Variants in CRB2 observed in about 807,000 individuals in gnomAD.
The protein encoded by CRB2 is protein crumbs homolog 2.
In CRB2, 85 loss-of-function variants were observed where a neutral mutation model predicts 110.9. The observed-to-expected ratio is 0.77, with a 90% CI of 0.64 to 0.92. CRB2 has a LOEUF of 0.92. Ranked by LOEUF, CRB2 falls within the 40% of genes least tolerant of loss-of-function variation. The pLI, the probability that CRB2 is intolerant of heterozygous loss-of-function variation, is 0.00. For synonymous variants in CRB2, 907 were observed against 831.0 expected (o/e 1.09, Z -1.57); for missense variants, 1,843 against 1,851.3 (o/e 1.00, Z 0.08).
At chr9:123,371,669 C>G (rs1409831941) in intron 8 of CRB2, 91 bp downstream of exon 8, 8 of 1,551,734 alleles carry the variant, frequency 5.2e-6, no homozygotes, top group Non-Finnish European at 7.0e-6. Context: ...TGTCCTTTTG[C>G]TGATGAGGAA....
rs910269960 is a variant in CRB2, at chr9:123,368,453, C to G, written c.1054+767C>G. ...TCCAAGAGCCATGGCCTCCTGGGTACCTGGCACACAGTGGGCCCACACAGC... is the reference window on the plus strand; with the variant it reads ...TCCAAGAGCCATGGCCTCCTGGGTAGCTGGCACACAGTGGGCCCACACAGC... On this transcript the variant is annotated intron_variant, in intron 6 of 12. Coordinates refer to ENST00000373631, the MANE Select transcript of CRB2 (RefSeq NM_173689.7). 5.4e-4 allele frequency among the ~76,000 whole-genome samples: 82 copies of G among 152,358 alleles called. 1 individual carries two copies. The highest frequency in any genetic ancestry group is 6.2e-4 in the Non-Finnish European group (42 of 68,026).
At chr9:123,367,462 C>G in intron 5 of CRB2, 105 bp downstream of exon 5, 1 of 965,832 alleles carries the variant, frequency 1.0e-6, no homozygotes, top group South Asian at 1.6e-5. Flanking sequence ...CACCCCACAC[C>G]CGAGTCTGCC....
At chr9:123,375,158 T>C (rs1197911786) in intron 11 of CRB2, 59 bp from the exon 12 acceptor site, 2 of 1,607,518 alleles carry the variant, frequency 1.2e-6, no homozygotes, top group Non-Finnish European at 1.7e-6. Flanking sequence ...GCAGAGCAGC[T>C]GGGAGCACAA....
Position 123,370,517 on chromosome 9 carries a change from G to C in CRB2, c.1464G>C (p.Leu488Phe). 2.5e-6 allele frequency: 4 copies of C among 1,613,446 alleles called. No individual in the cohort carries two copies. Among genetic ancestry groups the C allele is most frequent in the Non-Finnish European group, 3.4e-6 (4 of 1,180,028 alleles). Residue 488 changes from leucine (L) to phenylalanine (F), a missense_variant, in exon 7 of 13, where the codon TTG becomes TTC. Physicochemically the swap from Leu to Phe is conservative, Grantham distance 22. Transcript: ENST00000373631. ...NDTKESLELA[L>F]VAATLQATLW... Reference sequence around the variant, plus strand: ...CCAAGGAAAGCTTGGAGCTGGCATTGGTGGCAGCCACACTTCAGGCCACAC... The same window carrying C: ...CCAAGGAAAGCTTGGAGCTGGCATTCGTGGCAGCCACACTTCAGGCCACAC...
rs2041930878 is a variant in CRB2 at position 123,366,295 on chromosome 9, C to T, written c.683C>T (p.Ala228Val). The change falls in exon 4 of 13, where the codon GCA becomes GTA. Residue 228 changes from alanine (A) to valine (V), a missense_variant. Ala to Val is a moderately conservative substitution (Grantham distance 64, BLOSUM62 0). Coordinates refer to ENST00000373631, the MANE Select transcript of CRB2 (RefSeq NM_173689.7). ...THCEREVLECASAPCEHNASC... is the reference protein window; with the variant it reads ...THCEREVLECVSAPCEHNASC... ...TGCGAGCGGGAGGTGCTGGAGTGCG[C>T]ATCGGCGCCCTGCGAGCACAACGCG... 6.6e-7 allele frequency: 1 copy of T among 1,522,922 alleles called. No individual in the cohort carries two copies. The highest frequency in any genetic ancestry group is 8.7e-7 in the Non-Finnish European group (1 of 1,148,196). The allele number at this position is 1,522,922 out of a possible 1,614,324, so 94.3% of individuals were successfully genotyped here. A position where few individuals can be genotyped will look rare whatever the true frequency, so the allele number is the denominator to read the frequency against.
chr9:123,375,072 G>T, intron 11 of CRB2, 145 bp from the exon 12 acceptor site: 2 of 1,240,942 alleles, frequency 1.6e-6, no homozygotes, highest in Non-Finnish European at 2.3e-6. Flanking sequence ...CACCTGGCAG[G>T]GCCCAGCTGG....
At chr9:123,366,872 A>G (rs1322659882) in intron 4 of CRB2, among the ~76,000 whole-genome samples, 1 of 150,762 alleles carries the variant, frequency 6.6e-6, no homozygotes, top group African/African-American at 2.4e-5. Context: ...AATCGCTTGA[A>G]CCTGGGAGGT....
chr9:123,377,267 T>G lies in CRB2; in HGVS notation c.*205T>G, dbSNP rs1441715368. Reference sequence around the variant, plus strand: ...GAGGCCTAGAGAGGCTGCGGACTTCTCCATCCCACCCTCGGGGTTCCGCCT... The same window carrying G: ...GAGGCCTAGAGAGGCTGCGGACTTCGCCATCCCACCCTCGGGGTTCCGCCT... On this transcript the variant is annotated 3_prime_UTR_variant, in exon 13 of 13. Coordinates refer to ENST00000373631, the MANE Select transcript of CRB2 (RefSeq NM_173689.7). The G allele has an allele frequency of 1.7e-6, 1 of 576,582 alleles. No homozygotes were observed. The highest frequency in any genetic ancestry group is 2.9e-5 in the East Asian group (1 of 34,612). The allele number at this position is 576,582 out of a possible 1,614,324, so 35.7% of individuals were successfully genotyped here. A position where few individuals can be genotyped will look rare whatever the true frequency, so the allele number is the denominator to read the frequency against.
intron 2 of CRB2, 133 bp from the exon 3 acceptor site, chr9:123,365,781 CCAA>C: frequency 2.5e-6 from 2 of 815,132 alleles, no homozygotes; most frequent in Non-Finnish European, 3.6e-6. Context: ...CCCCCACCCC[CCAA>C]CCACCACCAC....
At chr9:123,374,222 T>C in intron 10 of CRB2, 2 of 596,972 alleles carry the variant, frequency 3.4e-6, no homozygotes, top group Non-Finnish European at 5.9e-6. Flanking sequence ...GGGTCAGGCT[T>C]TGGCGCTTCC....
Position 123,373,620 on chromosome 9 carries a change from G to A in CRB2, c.3089G>A (p.Arg1030Gln). The A allele has an allele frequency of 2.2e-6, 3 of 1,359,122 alleles. No homozygotes were observed. Among genetic ancestry groups the A allele is most frequent in the Non-Finnish European group, 2.8e-6 (3 of 1,064,122 alleles). 84.2% of individuals were successfully genotyped at this position (1,359,122 alleles called of 1,614,324 possible). Residue 1030 changes from arginine (R) to glutamine (Q), a missense_variant, in exon 10 of 13, where the codon CGG (arginine) becomes CAG (glutamine). Transcript: ENST00000373631. ...CTGCCCCTGCCCTTGGCGCGGCCCC[G>A]GCCCGGCGCGGCCCCTGGCGCCCGA... is the stretch of plus-strand genomic sequence containing the variant. ...GGLPLPLARP[R>Q]PGAAPGAREH...
downstream of CRB2, among the ~76,000 whole-genome samples, chr9:123,379,179 G>T (rs1209622012): frequency 6.6e-6 from 1 of 152,048 alleles, no homozygotes. Flanking sequence ...TGGGCGAGTC[G>T]GAGGGGGTGG....
At position 123,373,422 on chromosome 9, in the gene CRB2, A is replaced by C; in HGVS notation, c.2891A>C (p.Glu964Ala). 1 of 1,447,712 alleles carries C rather than the reference A, an allele frequency of 6.9e-7. No homozygotes were observed. The highest frequency in any genetic ancestry group is 9.0e-7 in the Non-Finnish European group (1 of 1,105,702). The allele number at this position is 1,447,712 out of a possible 1,614,324, so 89.7% of individuals were successfully genotyped here. The part of the protein sequence containing the change: ...GAWHRVRLAM[E>A]RPAATTSRWL... ...TGGCACCGCGTGCGTCTGGCCATGG[A>C]GCGCCCGGCGGCCACCACCTCGCGC... is the stretch of plus-strand genomic sequence containing the variant. The change falls in exon 10 of 13, where the codon GAG becomes GCG. Residue 964 changes from glutamate to alanine, a missense_variant. Transcript: ENST00000373631.
Position 123,363,041 on chromosome 9 carries a change from G to T in CRB2, c.271G>T (p.Gly91Cys). 1 of 1,611,956 alleles carries T rather than the reference G, an allele frequency of 6.2e-7. No individual in the cohort carries two copies. The highest frequency in any genetic ancestry group is 8.5e-7 in the Non-Finnish European group (1 of 1,179,886). The part of the protein sequence containing the change: ...LCVPQGPDPT[G>C]FRCYCVPGFQ... ...TGTGCCCCAGGGTCCAGATCCCACC[G>T]GCTTCCGCTGCTACTGCGTGCCGGG... Residue 91 changes from glycine to cysteine, a missense_variant, in exon 2 of 13, where the codon GGC becomes TGC. Coordinates refer to ENST00000373631, the MANE Select transcript of CRB2 (RefSeq NM_173689.7).
In CRB2 at chr9:123,373,990, C is replaced by T. The variant is rs142899383; in HGVS notation, c.3389+70C>T. The T allele has an allele frequency of 5.9e-4, 903 of 1,540,526 alleles. 6 individuals carry two copies. The East Asian group carries it at 0.019, about 32-fold the overall frequency. On this transcript the variant is annotated intron_variant, in intron 10 of 12. Transcript: ENST00000373631. ...GCTATGGTGGGGCAGAGAAGTCTGC[C>T]AGGTCTGTGGATGAGTCGCTTCCCT...
At chr9:123,375,487 C>T in intron 12 of CRB2, 144 bp downstream of exon 12, 2 of 937,660 alleles carry the variant, frequency 2.1e-6, no homozygotes, top group Non-Finnish European at 1.5e-6. Flanking sequence ...CCTCAGGTCC[C>T]TTCCACACCC....
rs150981911 is a variant in CRB2, at chr9:123,370,352, G to A, written c.1299G>A (p.Pro433=). ...VCHCPPGTHG[P]FCGQNTTFSV... is the part of the protein sequence containing the mutation. ...ACTGCCCACCTGGTACCCATGGACC[G>A]TTCTGTGGCCAGAATACCACCTTCT... The change falls in exon 7 of 13, where the codon CCG becomes CCA. Residue 433 remains proline, a synonymous_variant. Transcript: ENST00000373631. 2.5e-5 allele frequency: 40 copies of A among 1,613,810 alleles called. No individual in the cohort carries two copies. Among genetic ancestry groups the A allele is most frequent in the Admixed American group, 1.0e-4 (6 of 60,024 alleles).
intron 6 of CRB2, chr9:123,368,977 G>C: frequency 1.0e-5 from 12 of 1,197,740 alleles, no homozygotes; most frequent in Non-Finnish European, 1.3e-5. Context: ...TGGGCAGGGG[G>C]AGGTTGGTGG....
In CRB2 at chr9:123,373,686, T is replaced by A; in HGVS notation, c.3155T>A (p.Leu1052His). The part of the protein sequence containing the change: ...ASWPGTPAPI[L>H]GCRGAPVCAP... ...TGGCCTGGGACGCCGGCCCCGATCC[T>A]CGGCTGCCGCGGCGCGCCCGTGTGT... The change falls in exon 10 of 13, where the codon CTC (leucine) becomes CAC (histidine). Residue 1052 changes from leucine to histidine, a missense_variant. Physicochemically the swap from Leu to His is moderately conservative, Grantham distance 99. Coordinates refer to ENST00000373631, the MANE Select transcript of CRB2 (RefSeq NM_173689.7). 1 of 1,472,446 alleles carries A rather than the reference T, an allele frequency of 6.8e-7. No individual in the cohort carries two copies. Among genetic ancestry groups the A allele is most frequent in the Non-Finnish European group, 8.9e-7 (1 of 1,122,604 alleles). The allele number at this position is 1,472,446 out of a possible 1,614,324, so 91.2% of individuals were successfully genotyped here. A position where few individuals can be genotyped will look rare whatever the true frequency, so the allele number is the denominator to read the frequency against.
Sources: allele counts gnomAD v4.1 joint callset (sites outside exome capture counted in the v4.1 genomes callset), GRCh38; gene constraint gnomAD v4.1.1; transcripts MANE v1.5; gene names NCBI Gene and HGNC (gene_info 2026-07-23, HGNC 2026-07-21).